The following DYNLT2 variants were observed in gnomAD, a reference collection of about 807,000 sequenced individuals.
DYNLT2 encodes dynein light chain Tctex-type protein 2.
A neutral mutation model predicts 24.3 loss-of-function variants in DYNLT2; 24 were observed. The ratio of observed to expected loss-of-function variants is 0.99; its 90% CI spans 0.71 to 1.39. The LOEUF (loss-of-function observed/expected upper bound fraction) is 1.39. Among genes scored for constraint, DYNLT2 ranks in the 40% most tolerant of loss-of-function variants. DYNLT2 has a pLI of 0.00. For synonymous variants in DYNLT2, 85 were observed against 85.4 expected (o/e 1.00, Z 0.03); for missense variants, 246 against 234.5 (o/e 1.05, Z -0.32).
In DYNLT2 at chr6:169,740,159, A is replaced by G. The variant is rs890047333; in HGVS notation, c.*26T>C. ...ATTTATTTTTGAAAAGTTCGGAAGTAAACAATCCTTAGTACCTGTAATGAG... is the reference window on the plus strand; with the variant it reads ...ATTTATTTTTGAAAAGTTCGGAAGTGAACAATCCTTAGTACCTGTAATGAG... On this transcript the variant is annotated 3_prime_UTR_variant, in exon 4 of 4. Coordinates refer to ENST00000366774, the MANE Select transcript of DYNLT2 (RefSeq NM_174910.3). 7.0e-7 allele frequency: 1 copy of G among 1,438,070 alleles called. No homozygotes were observed. Among genetic ancestry groups the G allele is most frequent in the Non-Finnish European group, 9.7e-7 (1 of 1,026,870 alleles). The allele number at this position is 1,438,070 out of a possible 1,614,324, so 89.1% of individuals were successfully genotyped here. A position where few individuals can be genotyped will look rare whatever the true frequency, so the allele number is the denominator to read the frequency against.
At chr6:169,732,611 A>T in the DYNLT2 span, among the ~76,000 whole-genome samples, 2 of 152,196 alleles carry the variant, frequency 1.3e-5, no homozygotes, top group Non-Finnish European at 2.9e-5. Context: ...AAAGGACATG[A>T]TCTCATTCCT....
chr6:169,750,026 A>G (rs1257972470), intron 1 of DYNLT2: 2 of 152,194 alleles, frequency 1.3e-5, no homozygotes, highest in African/African-American at 2.4e-5. Flanking sequence ...AAAAGAATCA[A>G]CTTTAAAGAT....
chr6:169,735,670 T>A (rs899166360), downstream of DYNLT2, among the ~76,000 whole-genome samples: 2 of 152,250 alleles, frequency 1.3e-5, no homozygotes, highest in African/African-American at 4.8e-5. Context: ...ATTTCAGTTC[T>A]TTTGCATTTG....
chr6:169,727,009 CTA>C, the DYNLT2 span, among the ~76,000 whole-genome samples: 1 of 152,110 alleles, frequency 6.6e-6, no homozygotes, highest in Non-Finnish European at 1.5e-5. Context: ...AAAAAGAAAA[CTA>C]AGTGTAAAGT....
At chr6:169,736,312 T>TAAAAA (rs1789562335), downstream of DYNLT2, among the ~76,000 whole-genome samples, 15 of 152,334 alleles carry the variant, frequency 9.8e-5, no homozygotes, top group South Asian at 3.1e-3. Context: ...TTCAGCCCAT[T>TAAAAA]TACATTTAAG....
chr6:169,740,007 CA>C, downstream of DYNLT2: 1 of 547,342 alleles, frequency 1.8e-6, no homozygotes, highest in Non-Finnish European at 3.2e-6. Flanking sequence ...GTTAATATAA[CA>C]GTAAGTATAA....
the DYNLT2 span, among the ~76,000 whole-genome samples, chr6:169,732,532 A>ATGTGATGTT: frequency 1.3e-5 from 2 of 152,114 alleles, no homozygotes; most frequent in Non-Finnish European, 2.9e-5. Flanking sequence ...GAGTGAGAAC[A>ATGTGATGTT]TGTGATGTTT....
chr6:169,732,928 A>T, the DYNLT2 span, among the ~76,000 whole-genome samples: 1 of 152,212 alleles, frequency 6.6e-6, no homozygotes, highest in East Asian at 1.9e-4. Context: ...CTATTTCTCT[A>T]CAGCCTCGCC....
chr6:169,750,184 A>G lies in DYNLT2; in HGVS notation c.120+1155T>C, dbSNP rs555937717. ...CATTGAATTTTAAAGACCACTTCAG[A>G]CCTCAGATAGGCAGTAAGTTTATAA... is the stretch of plus-strand genomic sequence containing the variant. On this transcript the variant is annotated intron_variant, in intron 1 of 3. Coordinates refer to ENST00000366774, the MANE Select transcript of DYNLT2 (RefSeq NM_174910.3). 4 of 152,298 alleles carry G rather than the reference A, an allele frequency of 2.6e-5. No homozygotes were observed. In the South Asian group the frequency reaches 8.3e-4, roughly 32 times the overall value. 9.4% of individuals were successfully genotyped at this position (152,298 alleles called of 1,614,324 possible).
chr6:169,750,571 C>T (rs1789970584), intron 1 of DYNLT2: 1 of 152,168 alleles, frequency 6.6e-6, no homozygotes, highest in African/African-American at 2.4e-5. Flanking sequence ...TATAGGTCCA[C>T]GAAGTAAGTA....
At chr6:169,738,161 G>A (rs954079958), downstream of DYNLT2, among the ~76,000 whole-genome samples, 44 of 152,334 alleles carry the variant, frequency 2.9e-4, no homozygotes, top group Admixed American at 1.3e-3. Flanking sequence ...GGCTCCAGCA[G>A]GGGAAAAGCG....
chr6:169,732,591 A>G, the DYNLT2 span, among the ~76,000 whole-genome samples: 1 of 152,208 alleles, frequency 6.6e-6, no homozygotes, highest in African/African-American at 2.4e-5. Context: ...AGCTTCATCC[A>G]TGTCCCTGCA....
chr6:169,727,161 T>C, the DYNLT2 span, among the ~76,000 whole-genome samples: 10 of 152,204 alleles, frequency 6.6e-5, no homozygotes, highest in African/African-American at 2.4e-4. Context: ...TTTCAAGCTA[T>C]TTCAGCAAAG....
At chr6:169,743,346 A>G (rs1301583163) in intron 2 of DYNLT2, 108 bp from the exon 3 acceptor site, 1 of 479,194 alleles carries the variant, frequency 2.1e-6, no homozygotes, top group African/African-American at 2.0e-5. Context: ...CTGTTTTAAA[A>G]TAAATATATT....
intron 1 of DYNLT2, 177 bp downstream of exon 1, chr6:169,751,162 G>A (rs1790027984): frequency 2.1e-6 from 2 of 937,764 alleles, no homozygotes; most frequent in Non-Finnish European, 3.2e-6. Flanking sequence ...GTCCAAAGGG[G>A]ACTGCCCAAC....
At chr6:169,751,313 G>T in intron 1 of DYNLT2, 26 bp downstream of exon 1, 1 of 1,605,194 alleles carries the variant, frequency 6.2e-7, no homozygotes, top group Non-Finnish European at 8.5e-7. Flanking sequence ...TAGCCGTCTC[G>T]GGCCCCTAGC....
chr6:169,738,587 C>T (rs1487242723), downstream of DYNLT2: 1 of 152,224 alleles, frequency 6.6e-6, no homozygotes, highest in East Asian at 1.9e-4. Context: ...CACTGCTCTT[C>T]CTTCTCTGTG....
chr6:169,742,417 TCTC>T (rs1789698365), intron 3 of DYNLT2, among the ~76,000 whole-genome samples: 1 of 152,192 alleles, frequency 6.6e-6, no homozygotes, highest in Non-Finnish European at 1.5e-5. Flanking sequence ...TAGAGTAAAA[TCTC>T]CTTGAGAATC....
In DYNLT2 at chr6:169,743,151, C is replaced by G; in HGVS notation, c.415G>C (p.Glu139Gln). ...LADRILLAVK[E>Q]FGYHRYKFII... The stretch of plus-strand genomic sequence containing the variant: ...AACTTATAACGGTGGTACCCAAATT[C>G]TTTGACTGCTAACAGTATGCGGTCT... Residue 139 changes from glutamate (E) to glutamine (Q), a missense_variant, in exon 3 of 4, where the codon GAA becomes CAA. Coordinates refer to ENST00000366774, the MANE Select transcript of DYNLT2 (RefSeq NM_174910.3). The G allele has an allele frequency of 3.2e-6, 5 of 1,579,756 alleles. No individual in the cohort carries two copies.
Sources: allele counts gnomAD v4.1 joint callset (sites outside exome capture counted in the v4.1 genomes callset), GRCh38; gene constraint gnomAD v4.1.1; transcripts MANE v1.5; gene names NCBI Gene and HGNC (gene_info 2026-07-23, HGNC 2026-07-21).